CRACR2A: variants seen among roughly 807,000 people sequenced by gnomAD.
CRACR2A encodes the protein EF-hand calcium-binding domain-containing protein 4B.
In CRACR2A, 79 loss-of-function variants were observed where a neutral mutation model predicts 90.5. The ratio of observed to expected loss-of-function variants is 0.87; its 90% CI spans 0.73 to 1.05. The LOEUF (loss-of-function observed/expected upper bound fraction) is 1.05. Among genes scored for constraint, CRACR2A ranks in the 50% least tolerant of loss-of-function variants. The probability of loss-of-function intolerance (pLI) is 0.00; values close to 1 mark genes in which losing one functional copy is unlikely to be tolerated. For synonymous variants in CRACR2A, 338 were observed against 356.7 expected (o/e 0.95, Z 0.59); for missense variants, 823 against 897.2 (o/e 0.92, Z 1.06).
At chr12:3,627,323 G>C (rs1944283325) in intron 17 of CRACR2A, 113 bp downstream of exon 17, 1 of 769,418 alleles carries the variant, frequency 1.3e-6, no homozygotes, top group Non-Finnish European at 2.1e-6. Context: ...TCCTGGAAAA[G>C]GCAAGTTCCG....
intron 1 of CRACR2A, among the ~76,000 whole-genome samples, chr12:3,739,321 AAATT>A (rs1272963338): frequency 6.6e-6 from 1 of 152,332 alleles, no homozygotes; most frequent in East Asian, 1.9e-4. Context: ...TTCATCTTAA[AAATT>A]CATCTAACAG....
rs1477701542 is a variant in CRACR2A, at chr12:3,641,801, C to G, written c.1202G>C (p.Arg401Thr). ...GCCAGATCTCTTTTTCCAACTTGCC[C>G]TGGAAGCAGCTGTGTTTGCCTTGGC... ...KAAKANTAAS[R>T]ASWKKRSGSV... Residue 401 changes from arginine (R) to threonine (T), a missense_variant, in exon 13 of 20, where the codon AGG becomes ACG. Transcript: ENST00000440314. The G allele has an allele frequency of 4.5e-6, 7 of 1,551,580 alleles. No homozygotes were observed. The highest frequency in any genetic ancestry group is 2.0e-5 in the Admixed American group (1 of 50,994).
chr12:3,703,224 G>A (rs1945861314), intron 3 of CRACR2A, among the ~76,000 whole-genome samples: 1 of 152,142 alleles, frequency 6.6e-6, no homozygotes, highest in Non-Finnish European at 1.5e-5. Context: ...GAGTACCTGG[G>A]ACTACAGGCG....
At chr12:3,621,436 G>C (rs1156802998) in intron 17 of CRACR2A, among the ~76,000 whole-genome samples, 1 of 147,654 alleles carries the variant, frequency 6.8e-6, no homozygotes, top group East Asian at 2.0e-4. Context: ...GGTGGATCAT[G>C]AGGTCAGGAG....
At chr12:3,645,832 A>C (rs1197647575) in intron 11 of CRACR2A, among the ~76,000 whole-genome samples, 4 of 152,214 alleles carry the variant, frequency 2.6e-5, no homozygotes, top group Non-Finnish European at 4.4e-5. Flanking sequence ...TGGGGAAGTG[A>C]GGACAAGAGT....
intron 6 of CRACR2A, among the ~76,000 whole-genome samples, chr12:3,676,541 C>T (rs1435883787): frequency 2.0e-5 from 3 of 152,132 alleles, no homozygotes; most frequent in East Asian, 3.9e-4. Context: ...TCACGAATGG[C>T]ACTAGTGCCC....
chr12:3,693,640 A>G (rs1033636036), intron 4 of CRACR2A, among the ~76,000 whole-genome samples: 1 of 151,934 alleles, frequency 6.6e-6, no homozygotes, highest in African/African-American at 2.4e-5. Flanking sequence ...TTGGCCCCCA[A>G]TCTCTTCTGG....
At chr12:3,717,176 A>C (rs902506147) in intron 2 of CRACR2A, among the ~76,000 whole-genome samples, 2 of 152,126 alleles carry the variant, frequency 1.3e-5, no homozygotes, top group Non-Finnish European at 1.5e-5. Context: ...AATGCCCAGG[A>C]AACCCGCAGC....
chr12:3,638,578 C>A, intron 13 of CRACR2A, 124 bp from the exon 14 acceptor site: 1 of 1,152,224 alleles, frequency 8.7e-7, no homozygotes, highest in Non-Finnish European at 1.2e-6. Context: ...CAAGAGCAGT[C>A]CGGGAGAGGG....
At chr12:3,629,860 G>T (rs1944348533) in intron 15 of CRACR2A, among the ~76,000 whole-genome samples, 1 of 124,622 alleles carries the variant, frequency 8.0e-6, no homozygotes, top group African/African-American at 3.1e-5. Flanking sequence ...GGGGGGGGGG[G>T]ATGAAGAGGT....
At chr12:3,742,399 C>T (rs1356142377) in intron 1 of CRACR2A, among the ~76,000 whole-genome samples, 1 of 152,200 alleles carries the variant, frequency 6.6e-6, no homozygotes, top group African/African-American at 2.4e-5. Flanking sequence ...CCACATCATA[C>T]ATGCCCAAAT....
intron 1 of CRACR2A, among the ~76,000 whole-genome samples, chr12:3,750,807 A>T (rs1392618357): frequency 6.6e-6 from 1 of 152,084 alleles, no homozygotes; most frequent in Non-Finnish European, 1.5e-5. Context: ...TCCCCACAAC[A>T]GGTTCAGCAA....
At chr12:3,751,359 C>T (rs1343694281) in intron 1 of CRACR2A, among the ~76,000 whole-genome samples, 1 of 152,292 alleles carries the variant, frequency 6.6e-6, no homozygotes, top group Middle Eastern at 3.4e-3. Flanking sequence ...CCCAGGTTCT[C>T]TTCCCACAGC....
At chr12:3,703,916 T>C (rs1591700378) in intron 3 of CRACR2A, among the ~76,000 whole-genome samples, 1 of 152,346 alleles carries the variant, frequency 6.6e-6, no homozygotes, top group East Asian at 1.9e-4. Context: ...TTATGAAGAT[T>C]GACTGTACCA....
chr12:3,648,372 AGTGGCTACTTG>A, intron 11 of CRACR2A, 159 bp downstream of exon 11: 1 of 1,517,284 alleles, frequency 6.6e-7, no homozygotes, highest in Non-Finnish European at 8.8e-7. Context: ...AACATAATAG[AGTGGCTACTTG>A]GTGGTCCAAA....
At chr12:3,749,727 G>C (rs1001761323) in intron 1 of CRACR2A, among the ~76,000 whole-genome samples, 1 of 151,996 alleles carries the variant, frequency 6.6e-6, no homozygotes, top group Non-Finnish European at 1.5e-5. Flanking sequence ...AAAAGGCAAA[G>C]AAATGACCAA....
rs1248210667 is a variant in CRACR2A at position 3,680,360 on chromosome 12, C to T, written c.229-11G>A. 5.6e-6 allele frequency: 9 copies of T among 1,610,432 alleles called. No individual in the cohort carries two copies. The highest frequency in any genetic ancestry group is 7.6e-6 in the Non-Finnish European group (9 of 1,177,668). On this transcript the variant is annotated splice_polypyrimidine_tract_variant and intron_variant, in intron 4 of 19. Coordinates refer to ENST00000440314, the MANE Select transcript of CRACR2A (RefSeq NM_001144958.2). ...CTCCTTATGCAGCCTCTGAAAACAA[C>T]CCAGAGTGTACTGGTTAACACTGAC... is the stretch of plus-strand genomic sequence containing the variant.
At chr12:3,722,996 A>G (rs1946207447) in intron 2 of CRACR2A, among the ~76,000 whole-genome samples, 1 of 152,208 alleles carries the variant, frequency 6.6e-6, no homozygotes, top group Admixed American at 6.5e-5. Context: ...ATGATCTTTA[A>G]GATCCTTCAG....
At chr12:3,710,802 A>AAAAG (rs1035694219) in intron 3 of CRACR2A, among the ~76,000 whole-genome samples, 76 of 150,514 alleles carry the variant, frequency 5.0e-4, no homozygotes, top group African/African-American at 8.8e-4. Flanking sequence ...AAAAAAAAAA[A>AAAAG]AAAGAAAGAA....
Sources: gnomAD v4.1 joint callset for allele counts (sites outside exome capture counted in the v4.1 genomes callset) on GRCh38, gnomAD v4.1.1 for gene constraint, MANE v1.5 for transcripts, NCBI Gene and HGNC (gene_info 2026-07-23, HGNC 2026-07-21) for gene names.